MGAT4C: variants seen among roughly 807,000 people sequenced by gnomAD.
MGAT4C encodes alpha-1,3-mannosyl-glycoprotein 4-beta-N-acetylglucosaminyltransferase C.
A neutral mutation model predicts 40.1 loss-of-function variants in MGAT4C; 19 were observed. That is an observed-to-expected ratio of 0.47 (90% confidence interval 0.33 to 0.70). The LOEUF is 0.70. Ranked by LOEUF, MGAT4C falls within the 30% of genes least tolerant of loss-of-function variation. The pLI, the probability that MGAT4C is intolerant of heterozygous loss-of-function variation, is 0.02. For missense variants in MGAT4C, 491 were observed against 563.2 expected, an observed-to-expected ratio of 0.87 and a Z score of 1.30; for synonymous variants, 181 against 187.1, an observed-to-expected ratio of 0.97 and a Z score of 0.27.
intron 2 of MGAT4C, among the ~76,000 whole-genome samples, chr12:86,588,599 G>C (rs10776987): frequency 0.93 from 141,513 of 152,018 alleles, 65,948 homozygotes; most frequent in East Asian, 1. Flanking sequence ...ACAGAATATA[G>C]ATTTTTTCAG....
In MGAT4C at chr12:86,777,435, G is replaced by T. The variant is rs1453842039; in HGVS notation, c.-261-50194C>A. On this transcript the variant is annotated intron_variant, in intron 1 of 7. Coordinates refer to the MGAT4C transcript ENST00000548651. ...GCAGATAATTTATCAGAATTGGACTGGTTTACCTCTTTCACAAGTTGCTTT... is the reference window on the plus strand; with the variant it reads ...GCAGATAATTTATCAGAATTGGACTTGTTTACCTCTTTCACAAGTTGCTTT... Among the ~76,000 whole-genome samples, 3 of 152,112 alleles carry T rather than the reference G, an allele frequency of 2.0e-5. No homozygotes were observed. The East Asian group carries it at 5.8e-4, about 29-fold the overall frequency.
intron 2 of MGAT4C, among the ~76,000 whole-genome samples, chr12:86,017,606 A>G (rs1263094239): frequency 6.6e-6 from 1 of 152,218 alleles, no homozygotes; most frequent in African/African-American, 2.4e-5. Flanking sequence ...CAGTTAGAAG[A>G]TGAGCATCAA....
intron 2 of MGAT4C, among the ~76,000 whole-genome samples, chr12:86,608,413 T>C (rs2136470682): frequency 6.6e-6 from 1 of 152,088 alleles, no homozygotes; most frequent in Non-Finnish European, 1.5e-5. Flanking sequence ...ACTCTGTCAC[T>C]ACAAAAAAAT....
chr12:86,332,653 TG>T (rs1166114256), intron 4 of MGAT4C, among the ~76,000 whole-genome samples: 1 of 151,184 alleles, frequency 6.6e-6, no homozygotes, highest in Non-Finnish European at 1.5e-5. Flanking sequence ...GGTTTTTTTT[TG>T]TGTGTGTGTG....
intron 1 of MGAT4C, among the ~76,000 whole-genome samples, chr12:86,180,353 G>A (rs1256449808): frequency 5.3e-5 from 8 of 152,162 alleles, no homozygotes; most frequent in Non-Finnish European, 1.0e-4. Flanking sequence ...ATACGGGGTC[G>A]GATCCCCACA....
At chr12:85,997,253 G>C (rs923390891) in intron 2 of MGAT4C, among the ~76,000 whole-genome samples, 1 of 152,132 alleles carries the variant, frequency 6.6e-6, no homozygotes, top group Admixed American at 6.5e-5. Flanking sequence ...AGAAAGACCT[G>C]CCTCTGTGAT....
chr12:86,464,469 ACCT>A, intron 2 of MGAT4C, among the ~76,000 whole-genome samples: 2 of 152,058 alleles, frequency 1.3e-5, no homozygotes, highest in African/African-American at 4.8e-5. Flanking sequence ...TTTGATTGTA[ACCT>A]TATATTTGAT....
chr12:86,748,097 T>C (rs756506633), intron 1 of MGAT4C, among the ~76,000 whole-genome samples: 1 of 151,624 alleles, frequency 6.6e-6, no homozygotes, highest in Non-Finnish European at 1.5e-5. Context: ...TAGAGAGATG[T>C]AAATACCTGC....
At chr12:86,741,070 T>TAAA (rs1183850454) in intron 1 of MGAT4C, among the ~76,000 whole-genome samples, 1 of 151,028 alleles carries the variant, frequency 6.6e-6, no homozygotes, top group Non-Finnish European at 1.5e-5. Flanking sequence ...ACTCAATGTT[T>TAAA]AGCTCCCGCT....
At chr12:86,785,833 T>C (rs1951921437) in intron 1 of MGAT4C, among the ~76,000 whole-genome samples, 1 of 151,778 alleles carries the variant, frequency 6.6e-6, no homozygotes, top group Admixed American at 6.6e-5. Flanking sequence ...AAGCTCAGAA[T>C]TTTTTAGGTA....
chr12:86,284,304 C>A (rs1052286409), intron 4 of MGAT4C, among the ~76,000 whole-genome samples: 1 of 151,664 alleles, frequency 6.6e-6, no homozygotes, highest in Non-Finnish European at 1.5e-5. Context: ...ATACTAAATG[C>A]ACATTTTTTT....
chr12:86,597,010 C>T (rs1961563366), intron 2 of MGAT4C, among the ~76,000 whole-genome samples: 1 of 152,120 alleles, frequency 6.6e-6, no homozygotes, highest in Admixed American at 6.6e-5. Flanking sequence ...ATAAGATGGA[C>T]AGAACAGACT....
At chr12:86,048,430 A>G (rs933886732) in intron 2 of MGAT4C, among the ~76,000 whole-genome samples, 5 of 152,102 alleles carry the variant, frequency 3.3e-5, no homozygotes, top group African/African-American at 9.7e-5. Flanking sequence ...CAGTTCACCC[A>G]TGTAACAGAC....
chr12:86,674,248 A>G (rs1041394347), intron 2 of MGAT4C, among the ~76,000 whole-genome samples: 24 of 152,300 alleles, frequency 1.6e-4, no homozygotes, highest in Admixed American at 2.6e-4. Context: ...TATATTTTCT[A>G]ATATTATCAA....
At chr12:86,688,865 A>C (rs548044332) in intron 2 of MGAT4C, among the ~76,000 whole-genome samples, 25 of 152,170 alleles carry the variant, frequency 1.6e-4, no homozygotes, top group Admixed American at 9.2e-4. Context: ...GGTGCTCTCT[A>C]TATTTCCTGA....
chr12:86,042,793 A>G (rs1447568487), intron 2 of MGAT4C, among the ~76,000 whole-genome samples: 2 of 150,402 alleles, frequency 1.3e-5, no homozygotes, highest in Non-Finnish European at 3.0e-5. Context: ...GTGTGAATCC[A>G]GAAGGCAGAG....
chr12:86,473,963 T>C (rs879493792), intron 2 of MGAT4C, among the ~76,000 whole-genome samples: 2 of 152,072 alleles, frequency 1.3e-5, no homozygotes, highest in Non-Finnish European at 2.9e-5. Context: ...AAAAGCAAGA[T>C]TGTGTCACAG....
At chr12:86,655,307 C>A (rs1414478843) in intron 2 of MGAT4C, among the ~76,000 whole-genome samples, 1 of 152,024 alleles carries the variant, frequency 6.6e-6, no homozygotes, top group Non-Finnish European at 1.5e-5. Flanking sequence ...TGCTTCTTTT[C>A]CCTGTTCCCC....
chr12:86,645,541 G>C (rs1357380587), intron 2 of MGAT4C, among the ~76,000 whole-genome samples: 1 of 151,490 alleles, frequency 6.6e-6, no homozygotes, highest in Non-Finnish European at 1.5e-5. Context: ...GTACAATCTT[G>C]GCAATAATTT....
Sources: gnomAD v4.1 joint callset for allele counts (sites outside exome capture counted in the v4.1 genomes callset) on GRCh38, gnomAD v4.1.1 for gene constraint, MANE v1.5 for transcripts, NCBI Gene and HGNC (gene_info 2026-07-23, HGNC 2026-07-21) for gene names.